Variants in ASZ1 observed in about 807,000 individuals in gnomAD.
The protein encoded by ASZ1 is ankyrin repeat, SAM and basic leucine zipper domain containing 1.
Under a neutral mutation model 61.8 loss-of-function variants are expected in ASZ1, and 67 were observed. The observed-to-expected ratio is 1.08, with a 90% confidence interval of 0.89 to 1.33. The LOEUF (loss-of-function observed/expected upper bound fraction) is 1.33, where lower values mean the gene tolerates loss of function less well. Among genes scored for constraint, ASZ1 ranks in the 40% most tolerant of loss-of-function variants. The pLI, the probability that ASZ1 is intolerant of heterozygous loss-of-function variation, is 0.00. For missense variants in ASZ1, 577 were observed against 554.5 expected, an observed-to-expected ratio of 1.04 and a Z score of -0.41; for synonymous variants, 193 against 192.7, an observed-to-expected ratio of 1.00 and a Z score of -0.01.
chr7:117,402,325 G>A (rs981169526), intron 4 of ASZ1, among the ~76,000 whole-genome samples: 3 of 152,106 alleles, frequency 2.0e-5, no homozygotes, highest in Admixed American at 6.5e-5. Flanking sequence ...TTTGGTTTCC[G>A]GGAGGTATCC....
At chr7:117,417,472 G>A (rs990997173) in intron 4 of ASZ1, among the ~76,000 whole-genome samples, 29 of 152,126 alleles carry the variant, frequency 1.9e-4, no homozygotes, top group Admixed American at 4.6e-4. Flanking sequence ...GGAATCTAAA[G>A]CTCCCAATCT....
chr7:117,415,544 ATTAG>A lies in ASZ1; in HGVS notation c.440+4615_440+4618del, dbSNP rs201146649. 9.8e-4 allele frequency among the ~76,000 whole-genome samples: 150 copies of A among 152,304 alleles called. No individual in the cohort carries two copies. In the East Asian group the frequency reaches 0.023, roughly 24 times the overall value. ...ATTGTTATAATTGTTCTATTTTATT[ATTAG>A]TTAATGTTAGTCTCTTACTATGCCT... On this transcript the variant is annotated intron_variant, in intron 4 of 12. Coordinates refer to ENST00000284629, the MANE Select transcript of ASZ1 (RefSeq NM_130768.3).
chr7:117,417,700 A>G (rs1354841622), intron 4 of ASZ1, among the ~76,000 whole-genome samples: 1 of 152,202 alleles, frequency 6.6e-6, no homozygotes, highest in Non-Finnish European at 1.5e-5. Flanking sequence ...AAGAAAACAC[A>G]ATTCAATTTT....
intron 10 of ASZ1, among the ~76,000 whole-genome samples, chr7:117,369,089 T>C (rs1203448938): frequency 6.6e-6 from 1 of 152,210 alleles, no homozygotes; most frequent in African/African-American, 2.4e-5. Flanking sequence ...AGGATAGATG[T>C]TGTTAATACT....
chr7:117,425,013 A>G (rs1450568464), intron 2 of ASZ1, among the ~76,000 whole-genome samples: 1 of 152,208 alleles, frequency 6.6e-6, no homozygotes, highest in African/African-American at 2.4e-5. Flanking sequence ...AGATTTGGTA[A>G]CTTAGTCAAG....
At chr7:117,406,004 A>G (rs1466436523) in intron 4 of ASZ1, among the ~76,000 whole-genome samples, 1 of 152,194 alleles carries the variant, frequency 6.6e-6, no homozygotes, top group Admixed American at 6.5e-5. Flanking sequence ...CTTAGATAAG[A>G]AGTGAATCTC....
chr7:117,407,947 A>G (rs189133875), intron 4 of ASZ1, among the ~76,000 whole-genome samples: 7 of 152,280 alleles, frequency 4.6e-5, no homozygotes, highest in South Asian at 2.1e-4. Flanking sequence ...TACACTGAAC[A>G]AAGAGATAAT....
chr7:117,403,775 G>T (rs1796724558), intron 4 of ASZ1, among the ~76,000 whole-genome samples: 1 of 152,134 alleles, frequency 6.6e-6, no homozygotes, highest in Non-Finnish European at 1.5e-5. Context: ...CCAGGCAGCA[G>T]ACTGGCACTG....
chr7:117,382,199 A>G (rs1374262893), intron 7 of ASZ1, 55 bp from the exon 8 acceptor site: 1 of 1,021,732 alleles, frequency 9.8e-7, no homozygotes, highest in Non-Finnish European at 1.5e-6. Flanking sequence ...TGCACAAGCG[A>G]TAAATATACA....
chr7:117,377,861 T>C (rs1190676385), intron 10 of ASZ1, among the ~76,000 whole-genome samples: 1 of 152,014 alleles, frequency 6.6e-6, no homozygotes, highest in East Asian at 1.9e-4. Flanking sequence ...GAACCCAGAA[T>C]AGAGAACCCA....
intron 12 of ASZ1, among the ~76,000 whole-genome samples, chr7:117,364,522 GGA>G (rs1337261964): frequency 6.6e-6 from 1 of 151,814 alleles, no homozygotes; most frequent in African/African-American, 2.4e-5. Context: ...GGGTGGGGCA[GGA>G]GAGAAAATAA....
chr7:117,387,738 A>G (rs80123696), intron 4 of ASZ1, among the ~76,000 whole-genome samples: 3,470 of 152,202 alleles, frequency 0.023, 131 homozygotes, highest in African/African-American at 0.079. Context: ...GCTCTCCTCC[A>G]TGCTTCCATT....
At chr7:117,418,654 A>C (rs1465138158) in intron 4 of ASZ1, among the ~76,000 whole-genome samples, 1 of 36,532 alleles carries the variant, frequency 2.7e-5, no homozygotes. Context: ...CTCCATCTCA[A>C]AAAAAAAAAA....
chr7:117,408,153 G>C (rs775198054), intron 4 of ASZ1, among the ~76,000 whole-genome samples: 1 of 152,028 alleles, frequency 6.6e-6, no homozygotes, highest in African/African-American at 2.4e-5. Context: ...GTGGAGGTCA[G>C]GGGGTAGTGT....
At position 117,385,754 on chromosome 7, in the gene ASZ1, C is replaced by G. The variant is rs760286066; in HGVS notation, c.496G>C (p.Ala166Pro). The G allele has an allele frequency of 4.3e-6, 7 of 1,613,694 alleles. No homozygotes were observed. In the South Asian group the frequency reaches 7.7e-5, roughly 18 times the overall value. ...AARDGHTQVVALLVAHGAEVN... is the reference protein window; with the variant it reads ...AARDGHTQVVPLLVAHGAEVN... The stretch of plus-strand genomic sequence containing the variant: ...TCTGCTCCATGAGCAACAAGGAGAG[C>G]AACAACCTGGGTGTGACCATCTCGA... Residue 166 changes from alanine to proline, a missense_variant, in exon 5 of 13, where the codon GCT becomes CCT. Ala to Pro is a conservative substitution (Grantham distance 27). Transcript: ENST00000284629.
chr7:117,372,239 C>G (rs913250020), intron 10 of ASZ1, among the ~76,000 whole-genome samples: 4 of 152,160 alleles, frequency 2.6e-5, no homozygotes, highest in African/African-American at 7.2e-5. Flanking sequence ...ACAGAGCTAA[C>G]TAGTACCAGT....
chr7:117,382,513 A>G (rs187288136), intron 7 of ASZ1, among the ~76,000 whole-genome samples: 128 of 151,754 alleles, frequency 8.4e-4, no homozygotes, highest in Admixed American at 1.9e-3. Flanking sequence ...CCCACAAAAA[A>G]CAAAAAATGA....
In ASZ1 at chr7:117,414,697, C is replaced by T. The variant is rs1584741191; in HGVS notation, c.440+5466G>A. 2.0e-5 allele frequency among the ~76,000 whole-genome samples: 3 copies of T among 152,178 alleles called. No homozygotes were observed. In the East Asian group the frequency reaches 5.8e-4, roughly 29 times the overall value. ...CCCTCCCTGTGTCCATGTGTTCTCA[C>T]TGTTCAACTCCCACTCATGAGTGAG... On this transcript the variant is annotated intron_variant, in intron 4 of 12. Coordinates refer to ENST00000284629, the MANE Select transcript of ASZ1 (RefSeq NM_130768.3).
chr7:117,422,446 G>A (rs1797117090), intron 2 of ASZ1, 87 bp from the exon 3 acceptor site: 1 of 1,396,624 alleles, frequency 7.2e-7, no homozygotes. Context: ...ACTGTGTAAA[G>A]TGACGTACAT....
Sources: gnomAD v4.1 joint callset for allele counts (sites outside exome capture counted in the v4.1 genomes callset) on GRCh38, gnomAD v4.1.1 for gene constraint, MANE v1.5 for transcripts, NCBI Gene and HGNC (gene_info 2026-07-23, HGNC 2026-07-21) for gene names.